The following NDUFAF7 variants were observed in gnomAD, a reference collection of about 807,000 sequenced individuals.
NDUFAF7 encodes NADH:ubiquinone oxidoreductase complex assembly factor 7, also known as protein arginine methyltransferase NDUFAF7, mitochondrial.
In NDUFAF7, 48 loss-of-function variants were observed where a neutral mutation model predicts 47.2. That is an observed-to-expected ratio of 1.02 (90% CI 0.81 to 1.29). The LOEUF (loss-of-function observed/expected upper bound fraction) is 1.29, where lower values mean the gene tolerates loss of function less well. NDUFAF7 is among the 50% of genes most tolerant of loss of function. The pLI is 0.00. For missense variants in NDUFAF7, 635 were observed against 537.6 expected, an observed-to-expected ratio of 1.18 and a Z score of -1.79; for synonymous variants, 217 against 190.0, an observed-to-expected ratio of 1.14 and a Z score of -1.17.
chr2:37,249,443 G>C (rs1191096357), downstream of NDUFAF7, among the ~76,000 whole-genome samples: 6 of 152,032 alleles, frequency 3.9e-5, no homozygotes, highest in African/African-American at 1.4e-4. Context: ...CTGGTGTGGT[G>C]GTGGGCGCCT....
chr2:37,237,287 A>G (rs4998429), intron 3 of NDUFAF7, among the ~76,000 whole-genome samples: 52,532 of 152,196 alleles, frequency 0.35, 9,767 homozygotes, highest in East Asian at 0.43. Flanking sequence ...CCTTTAATAA[A>G]CAGAATTCTA....
chr2:37,247,217 A>T, intron 8 of NDUFAF7: 1 of 560,956 alleles, frequency 1.8e-6, no homozygotes. Flanking sequence ...AAAGGACGTG[A>T]TTTCATTTTT....
intron 1 of NDUFAF7, 111 bp from the exon 2 acceptor site, chr2:37,231,995 C>T: frequency 1.2e-6 from 2 of 1,602,122 alleles, no homozygotes; most frequent in Middle Eastern, 2.1e-4. Context: ...CCGCGGTCTG[C>T]GGTGGGGCGA....
chr2:37,247,695 G>A, intron 9 of NDUFAF7, 66 bp downstream of exon 9: 1 of 1,564,744 alleles, frequency 6.4e-7, no homozygotes, highest in African/African-American at 1.4e-5. Flanking sequence ...ACTTTAAATA[G>A]TATGTTCACC....
chr2:37,262,471 T>C, the NDUFAF7 span, among the ~76,000 whole-genome samples: 3 of 152,208 alleles, frequency 2.0e-5, no homozygotes, highest in African/African-American at 4.8e-5. Context: ...TTGCTAATCA[T>C]TTTAAACCCA....
At chr2:37,240,275 C>T (rs999566581) in intron 4 of NDUFAF7, among the ~76,000 whole-genome samples, 1 of 151,770 alleles carries the variant, frequency 6.6e-6, no homozygotes, top group African/African-American at 2.4e-5. Flanking sequence ...ATTACCCAGT[C>T]GTGGTAGCAT....
chr2:37,235,879 C>G (rs186076440), intron 2 of NDUFAF7, among the ~76,000 whole-genome samples: 1 of 152,102 alleles, frequency 6.6e-6, no homozygotes, highest in Admixed American at 6.5e-5. Flanking sequence ...AGGATGGTCT[C>G]AATCTCCTGA....
chr2:37,235,945 A>T, intron 2 of NDUFAF7, 151 bp from the exon 3 acceptor site: 1 of 676,424 alleles, frequency 1.5e-6, no homozygotes, highest in Admixed American at 2.3e-5. Flanking sequence ...GGCATGAGCC[A>T]CCACACCTGG....
At chr2:37,256,489 T>G (rs527870428), downstream of NDUFAF7, among the ~76,000 whole-genome samples, 3 of 152,124 alleles carry the variant, frequency 2.0e-5, no homozygotes, top group African/African-American at 7.2e-5. Flanking sequence ...CAGATAAAAG[T>G]ATAAAAAGAA....
At chr2:37,257,410 A>G (rs1668040851), downstream of NDUFAF7, among the ~76,000 whole-genome samples, 1 of 152,080 alleles carries the variant, frequency 6.6e-6, no homozygotes, top group Non-Finnish European at 1.5e-5. Flanking sequence ...TCACACCTGT[A>G]ATCCCAGCAC....
At chr2:37,249,558 G>GACACACACACACACACAC (rs56374800), downstream of NDUFAF7, among the ~76,000 whole-genome samples, 132 of 128,484 alleles carry the variant, frequency 1.0e-3, no homozygotes, top group African/African-American at 3.8e-3. Context: ...GCCTGTGATA[G>GACACACACACACACACAC]ACACACACAC....
At chr2:37,262,950 G>C in the NDUFAF7 span, among the ~76,000 whole-genome samples, 1 of 140,482 alleles carries the variant, frequency 7.1e-6, no homozygotes, top group Non-Finnish European at 1.5e-5. Context: ...ATTCTTCTTT[G>C]CTTAGGATGG....
chr2:37,256,628 A>ATTTT (rs56389006), downstream of NDUFAF7: 60 of 1,202,240 alleles, frequency 5.0e-5, no homozygotes, highest in East Asian at 2.8e-4. Context: ...CATAGCCAAA[A>ATTTT]TTTTTTTTTT....
rs1308329205 is a variant in NDUFAF7 at position 37,231,776 on chromosome 2, C to G, written c.55+16C>G. 6.2e-7 allele frequency: 1 copy of G among 1,613,986 alleles called. No individual in the cohort carries two copies. Among genetic ancestry groups the G allele is most frequent in the Non-Finnish European group, 8.5e-7 (1 of 1,180,022 alleles). On this transcript the variant is annotated intron_variant, in intron 1 of 9. Transcript: ENST00000002125. ...GCGCGCGCAGGTAAGCGTCAGTCCC[C>G]TCGAAGCCCGGTTGCCGTGGAAGCC...
At chr2:37,238,566 C>T (rs1276301022) in intron 4 of NDUFAF7, among the ~76,000 whole-genome samples, 1 of 147,308 alleles carries the variant, frequency 6.8e-6, no homozygotes, top group African/African-American at 2.5e-5. Flanking sequence ...ACCTGGCCAA[C>T]AAAGCAAGAC....
In NDUFAF7 at chr2:37,231,717, G is replaced by C; in HGVS notation, c.12G>C (p.Leu4=). 1.2e-6 allele frequency: 2 copies of C among 1,614,256 alleles called. No homozygotes were observed. The highest frequency in any genetic ancestry group is 1.7e-6 in the Non-Finnish European group (2 of 1,180,040). ...CTGCGAATTTCAGCATGAGTGTACT[G>C]CTGAGGTCAGGTTTGGGGCCGTTGT... The part of the protein sequence containing the change: MSV[L]LRSGLGPLCA... Residue 4 remains leucine (L), a synonymous_variant, in exon 1 of 10, where the codon CTG becomes CTC. Coordinates refer to ENST00000002125, the MANE Select transcript of NDUFAF7 (RefSeq NM_144736.5).
At chr2:37,244,585 T>TTCCTGG (rs1666717231) in intron 7 of NDUFAF7, among the ~76,000 whole-genome samples, 4 of 152,158 alleles carry the variant, frequency 2.6e-5, no homozygotes, top group Admixed American at 2.6e-4. Flanking sequence ...AAAATCCCTG[T>TTCCTGG]ACTTCTCAGG....
downstream of NDUFAF7, chr2:37,256,590 G>C (rs1019677097): frequency 7.1e-7 from 1 of 1,414,174 alleles, no homozygotes; most frequent in Non-Finnish European, 9.3e-7. Flanking sequence ...ACTGATTTGG[G>C]ATGAGAAAGA....
rs200192456 is a variant in NDUFAF7 at position 37,248,173 on chromosome 2, G to T, written c.1149G>T (p.Gln383His). The T allele has an allele frequency of 8.1e-6, 13 of 1,614,032 alleles. No homozygotes were observed. Among genetic ancestry groups the T allele is most frequent in the Admixed American group, 3.3e-5 (2 of 60,020 alleles). Residue 383 changes from glutamine to histidine, a missense_variant, in exon 10 of 10, where the codon CAG (glutamine) becomes CAT (histidine). By Grantham distance (24) the Gln-to-His change is conservative. Transcript: ENST00000002125. Reference protein sequence around the residue: ...LDKSNEPSVRQQLLQGYDMLM... With the variant: ...LDKSNEPSVRHQLLQGYDMLM... ...AATCAAATGAGCCATCAGTGAGGCAGCAGTTACTTCAAGGATATGATATGT... is the reference window on the plus strand; with the variant it reads ...AATCAAATGAGCCATCAGTGAGGCATCAGTTACTTCAAGGATATGATATGT...
Sources: allele counts gnomAD v4.1 joint callset (sites outside exome capture counted in the v4.1 genomes callset), GRCh38; gene constraint gnomAD v4.1.1; transcripts MANE v1.5; gene names NCBI Gene and HGNC (gene_info 2026-07-23, HGNC 2026-07-21).